The following PRKCA variants were observed in gnomAD, a reference collection of about 807,000 sequenced individuals.
PRKCA encodes the protein protein kinase C alpha, also known as protein kinase C alpha type.
Under a neutral mutation model 87.0 loss-of-function variants are expected in PRKCA, and 27 were observed. The observed-to-expected ratio is 0.31, with a 90% CI of 0.23 to 0.43. PRKCA has a LOEUF of 0.43. Ranked by LOEUF, PRKCA falls within the 20% of genes least tolerant of loss-of-function variation. The pLI is 1.00. For missense variants in PRKCA, 518 were observed against 852.3 expected, an observed-to-expected ratio of 0.61 and a Z score of 4.88; for synonymous variants, 329 against 311.1, an observed-to-expected ratio of 1.06 and a Z score of -0.61.
At position 66,502,237 on chromosome 17, in the gene PRKCA, A is replaced by AT. The variant is rs537230381; in HGVS notation, c.288+5966dup. ...TTATTAGCACATTAAGCCCTTTTTA[A>AT]TTTTTTTTTTTTCTTGAGACAGAGT... On this transcript the variant is annotated intron_variant, in intron 3 of 16. Coordinates refer to ENST00000413366, the MANE Select transcript of PRKCA (RefSeq NM_002737.3). 9.2e-4 allele frequency among the ~76,000 whole-genome samples: 135 copies of AT among 146,702 alleles called. 1 individual carries two copies. In the South Asian group the frequency reaches 0.011, roughly 12 times the overall value.
chr17:66,424,568 A>G (rs78322200), intron 2 of PRKCA, among the ~76,000 whole-genome samples: 13 of 142,048 alleles, frequency 9.2e-5, no homozygotes, highest in East Asian at 4.2e-4. Context: ...CCCTGTCTCA[A>G]ACACACACAC....
intron 3 of PRKCA, among the ~76,000 whole-genome samples, chr17:66,500,633 C>G (rs1042139876): frequency 2.0e-5 from 3 of 152,186 alleles, no homozygotes; most frequent in Admixed American, 6.5e-5. Flanking sequence ...TTGATTCTTT[C>G]AAGGCAATTG....
intron 8 of PRKCA, among the ~76,000 whole-genome samples, chr17:66,724,936 G>A (rs1598898991): frequency 2.0e-5 from 3 of 152,340 alleles, no homozygotes; most frequent in African/African-American, 7.2e-5. Flanking sequence ...AAAGCTCAGA[G>A]AAAGAAAAAT....
chr17:66,482,329 A>G (rs775882543), intron 2 of PRKCA, among the ~76,000 whole-genome samples: 6 of 152,102 alleles, frequency 3.9e-5, no homozygotes, highest in Admixed American at 1.3e-4. Context: ...TAGGACCCAA[A>G]GAGAAGAACA....
chr17:66,372,863 C>G (rs1011879249), intron 2 of PRKCA, among the ~76,000 whole-genome samples: 1 of 152,074 alleles, frequency 6.6e-6, no homozygotes, highest in Non-Finnish European at 1.5e-5. Flanking sequence ...TCGAGACCAG[C>G]CTGCCCAACA....
intron 2 of PRKCA, among the ~76,000 whole-genome samples, chr17:66,437,731 T>TTTTTTTTTA (rs55779501): frequency 9.0e-5 from 1 of 11,142 alleles, no homozygotes; most frequent in African/African-American, 3.9e-4. Context: ...TTTTTTTTTT[T>TTTTTTTTTA]GAGCGGGGGG....
At chr17:66,470,353 G>A (rs1054498988) in intron 2 of PRKCA, among the ~76,000 whole-genome samples, 19 of 99,322 alleles carry the variant, frequency 1.9e-4, no homozygotes, top group South Asian at 3.7e-4. Flanking sequence ...AGCCTCTCAC[G>A]TAGCTGGGAT....
chr17:66,624,847 T>G (rs1261207246), intron 3 of PRKCA, among the ~76,000 whole-genome samples: 1 of 151,752 alleles, frequency 6.6e-6, no homozygotes, highest in East Asian at 1.9e-4. Context: ...TGCAAATAAT[T>G]GCATCATTAG....
chr17:66,652,988 G>T (rs560334388), intron 5 of PRKCA, among the ~76,000 whole-genome samples: 2 of 152,358 alleles, frequency 1.3e-5, no homozygotes, highest in East Asian at 3.9e-4. Context: ...CAGAAGCCTG[G>T]TTCATGAAGA....
intron 5 of PRKCA, among the ~76,000 whole-genome samples, chr17:66,664,677 A>C (rs894791679): frequency 1.1e-5 from 1 of 87,446 alleles, no homozygotes; most frequent in African/African-American, 4.9e-5. Context: ...TTTTTTTGGC[A>C]ATGTCTTGCT....
intron 2 of PRKCA, chr17:66,415,579 G>A (rs992899864): frequency 1.3e-5 from 2 of 152,188 alleles, no homozygotes; most frequent in African/African-American, 4.8e-5. Flanking sequence ...CAGTCTTAAA[G>A]CATTCTTCTT....
rs1024709724 is a variant in PRKCA, at chr17:66,689,593, C to G, written c.918+546C>G. On this transcript the variant is annotated intron_variant, in intron 8 of 16. Transcript: ENST00000413366. This position sits in a 1 kb window ranked among gnomAD's most constrained non-coding sequence, Gnocchi z 4.1. ...AAGGCCACCTCCTTCTCTTCTTCCT[C>G]TTGGTATTTGTGTTTGCCTCTGTCC... Among the ~76,000 whole-genome samples, 4 of 152,300 alleles carry G rather than the reference C, an allele frequency of 2.6e-5. No homozygotes were observed. The highest frequency in any genetic ancestry group is 9.6e-5 in the African/African-American group (4 of 41,570).
At chr17:66,688,845 C>T in intron 7 of PRKCA, 106 bp from the exon 8 acceptor site, 3 of 717,846 alleles carry the variant, frequency 4.2e-6, no homozygotes, top group East Asian at 2.7e-5. Context: ...ACTGATCTGG[C>T]TGTAGCCTCT....
intron 3 of PRKCA, among the ~76,000 whole-genome samples, chr17:66,509,732 G>A (rs184024245): frequency 8.5e-4 from 129 of 152,308 alleles, no homozygotes; most frequent in African/African-American, 3.0e-3. Context: ...ACAGAAGGGT[G>A]TGGAACCTGG....
intron 8 of PRKCA, among the ~76,000 whole-genome samples, chr17:66,719,320 A>G (rs1973556186): frequency 6.6e-6 from 1 of 152,176 alleles, no homozygotes; most frequent in Non-Finnish European, 1.5e-5. Flanking sequence ...CAAAGGGGAG[A>G]AGCAGGTTAC....
rs1246540639 is a variant in PRKCA, at chr17:66,632,543, C to T, written c.289-8812C>T. Among the ~76,000 whole-genome samples, 3 of 152,016 alleles carry T rather than the reference C, an allele frequency of 2.0e-5. No homozygotes were observed. The East Asian group carries it at 5.8e-4, about 29-fold the overall frequency. On this transcript the variant is annotated intron_variant, in intron 3 of 16. Coordinates refer to ENST00000413366, the MANE Select transcript of PRKCA (RefSeq NM_002737.3). Reference sequence around the variant, plus strand: ...TAAAGGCATAGGCCACCACCCCCAGCTAATTTTTTTTTTTTAAGTAGAGAT... The same window carrying T: ...TAAAGGCATAGGCCACCACCCCCAGTTAATTTTTTTTTTTTAAGTAGAGAT...
At chr17:66,562,097 A>G (rs1225651567) in intron 3 of PRKCA, among the ~76,000 whole-genome samples, 2 of 114,428 alleles carry the variant, frequency 1.7e-5, no homozygotes, top group East Asian at 3.0e-4. Context: ...TTAAATATAT[A>G]TAATTAAATT....
chr17:66,666,672 A>G (rs753220575), intron 5 of PRKCA, among the ~76,000 whole-genome samples: 1 of 152,236 alleles, frequency 6.6e-6, no homozygotes, highest in African/African-American at 2.4e-5. Flanking sequence ...ATAAAGGGCT[A>G]TATAAGTATT....
At chr17:66,376,760 G>A (rs113435626) in intron 2 of PRKCA, among the ~76,000 whole-genome samples, 1,895 of 152,278 alleles carry the variant, frequency 0.012, 15 homozygotes, top group Middle Eastern at 0.038. Context: ...CTGGGCATCG[G>A]CATCTGGGAG....
Sources: allele counts gnomAD v4.1 joint callset (sites outside exome capture counted in the v4.1 genomes callset), GRCh38; gene constraint gnomAD v4.1.1; non-coding constraint Gnocchi (gnomAD v3.1); transcripts MANE v1.5; gene names NCBI Gene and HGNC (gene_info 2026-07-23, HGNC 2026-07-21).